SLC25A42: variants seen among roughly 807,000 people sequenced by gnomAD.
The protein encoded by SLC25A42 is mitochondrial coenzyme A transporter SLC25A42.
In SLC25A42, 19 loss-of-function variants were observed where a neutral mutation model predicts 34.7. The observed-to-expected ratio is 0.55, with a 90% CI of 0.38 to 0.80. SLC25A42 has a LOEUF of 0.80. SLC25A42 is among the 30% of genes least tolerant of loss of function. SLC25A42 has a pLI of 0.00. For missense variants in SLC25A42, 364 were observed against 441.3 expected (o/e 0.82, Z 1.57); for synonymous variants, 205 against 191.2 (o/e 1.07, Z -0.59).
chr19:19,074,659 A>G (rs1386883498), intron 1 of SLC25A42, among the ~76,000 whole-genome samples: 1 of 152,090 alleles, frequency 6.6e-6, no homozygotes, highest in Non-Finnish European at 1.5e-5. Context: ...AATCAGGCAC[A>G]TGTGCATATG....
At position 19,098,624 on chromosome 19, in the gene SLC25A42, C is replaced by T. The variant is rs151114267; in HGVS notation, c.81+2419C>T. 9.1e-4 allele frequency among the ~76,000 whole-genome samples: 138 copies of T among 150,994 alleles called. 1 individual carries two copies. The East Asian group carries it at 0.022, about 24-fold the overall frequency. ...AAACAACACAGAGTTGGCTTTGTAACGTTAAGAGCCTTGGCTGGGCCCGCT... is the reference window on the plus strand; with the variant it reads ...AAACAACACAGAGTTGGCTTTGTAATGTTAAGAGCCTTGGCTGGGCCCGCT... On this transcript the variant is annotated intron_variant, in intron 2 of 7. Transcript: ENST00000318596.
At chr19:19,079,203 A>T (rs545004865) in intron 1 of SLC25A42, among the ~76,000 whole-genome samples, 6 of 151,876 alleles carry the variant, frequency 4.0e-5, no homozygotes, top group Non-Finnish European at 7.4e-5. Flanking sequence ...TTACAGGTGC[A>T]TGCCATCATA....
intron 1 of SLC25A42, among the ~76,000 whole-genome samples, chr19:19,093,001 T>C (rs2059746196): frequency 6.6e-6 from 1 of 152,150 alleles, no homozygotes; most frequent in African/African-American, 2.4e-5. Context: ...ACCTGGTTTC[T>C]GTCTGTTTGC....
In SLC25A42 at chr19:19,101,815, C is replaced by G; in HGVS notation, c.116C>G (p.Ser39Cys). ...DHRQVLSSLLSGALAGALAKT... is the reference protein window; with the variant it reads ...DHRQVLSSLLCGALAGALAKT... ...AGGCAAGTGCTCAGCTCCCTGCTGT[C>G]TGGGGCCCTGGCTGGTGCCCTTGCC... The change falls in exon 3 of 8, where the codon TCT (serine) becomes TGT (cysteine). Residue 39 changes from serine to cysteine, a missense_variant. Coordinates refer to ENST00000318596, the MANE Select transcript of SLC25A42 (RefSeq NM_178526.5). 1.2e-6 allele frequency: 2 copies of G among 1,613,902 alleles called. No homozygotes were observed. Among genetic ancestry groups the G allele is most frequent in the South Asian group, 1.1e-5 (1 of 91,058 alleles).
Position 19,101,845 on chromosome 19 carries a change from C to G in SLC25A42, c.146C>G (p.Thr49Arg). 6.2e-7 allele frequency: 1 copy of G among 1,613,856 alleles called. No individual in the cohort carries two copies. Among genetic ancestry groups the G allele is most frequent in the Non-Finnish European group, 8.5e-7 (1 of 1,179,890 alleles). ...SGALAGALAK[T>R]AVAPLDRTKI... ...GCCCTGGCTGGTGCCCTTGCCAAAA[C>G]AGCGGTAGCTCCCCTGGACCGAACC... The change falls in exon 3 of 8, where the codon ACA (threonine) becomes AGA (arginine). Residue 49 changes from threonine (T) to arginine (R), a missense_variant. Transcript: ENST00000318596.
chr19:19,080,620 A>G (rs957266818), intron 1 of SLC25A42, among the ~76,000 whole-genome samples: 3 of 151,890 alleles, frequency 2.0e-5, no homozygotes, highest in African/African-American at 7.3e-5. Context: ...CATCTCTACA[A>G]AAAAATTAAG....
chr19:19,086,764 C>T (rs566358873), intron 1 of SLC25A42, among the ~76,000 whole-genome samples: 16 of 152,054 alleles, frequency 1.1e-4, no homozygotes, highest in African/African-American at 3.9e-4. Flanking sequence ...CCTCAGCCTC[C>T]TGAGTAGCTG....
chr19:19,068,909 C>G (rs899019144), intron 1 of SLC25A42, among the ~76,000 whole-genome samples: 2 of 150,980 alleles, frequency 1.3e-5, no homozygotes, highest in Non-Finnish European at 2.9e-5. Context: ...ACCCATAGTC[C>G]TAGCTACTCA....
intron 6 of SLC25A42, 81 bp from the exon 7 acceptor site, chr19:19,107,813 G>C: frequency 6.6e-7 from 1 of 1,513,130 alleles, no homozygotes. Flanking sequence ...GCCGGCTTCG[G>C]GAGGAGCCGA....
intron 1 of SLC25A42, among the ~76,000 whole-genome samples, chr19:19,079,021 T>A (rs966740912): frequency 3.3e-5 from 5 of 151,758 alleles, no homozygotes; most frequent in Admixed American, 6.6e-5. Flanking sequence ...ACTTTTATTT[T>A]TTTATTTATT....
At chr19:19,071,710 A>G (rs767696247) in intron 1 of SLC25A42, among the ~76,000 whole-genome samples, 27 of 152,104 alleles carry the variant, frequency 1.8e-4, no homozygotes, top group Non-Finnish European at 3.5e-4. Context: ...TGCTAAAAAT[A>G]TAAAAATTAG....
intron 1 of SLC25A42, among the ~76,000 whole-genome samples, chr19:19,072,458 GTC>G (rs1245041307): frequency 6.6e-6 from 1 of 150,502 alleles, no homozygotes; most frequent in Non-Finnish European, 1.5e-5. Context: ...GCTCACTGCA[GTC>G]TCTGCCTCCT....
At chr19:19,104,372 G>T (rs2059814629) in intron 3 of SLC25A42, among the ~76,000 whole-genome samples, 1 of 152,236 alleles carries the variant, frequency 6.6e-6, no homozygotes. Flanking sequence ...CACGTCAGAG[G>T]CTCCTGGTGA....
intron 2 of SLC25A42, among the ~76,000 whole-genome samples, chr19:19,100,672 T>C (rs1264081297): frequency 2.0e-5 from 3 of 152,120 alleles, no homozygotes; most frequent in Non-Finnish European, 4.4e-5. Context: ...ACCTTCCCAA[T>C]GGGTGGCTGT....
At chr19:19,091,438 A>C (rs1483300076) in intron 1 of SLC25A42, among the ~76,000 whole-genome samples, 1 of 152,226 alleles carries the variant, frequency 6.6e-6, no homozygotes, top group Non-Finnish European at 1.5e-5. Context: ...AGCCTGGGCA[A>C]CAAGCATGAA....
rs765645817 is a variant in SLC25A42 at position 19,101,809 on chromosome 19, T to C, written c.110T>C (p.Leu37Pro). Residue 37 changes from leucine (L) to proline (P), a missense_variant, in exon 3 of 8, where the codon CTG becomes CCG. Leu to Pro is a moderately conservative substitution (Grantham distance 98). Coordinates refer to ENST00000318596, the MANE Select transcript of SLC25A42 (RefSeq NM_178526.5). Reference sequence around the variant, plus strand: ...GACCACAGGCAAGTGCTCAGCTCCCTGCTGTCTGGGGCCCTGGCTGGTGCC... The same window carrying C: ...GACCACAGGCAAGTGCTCAGCTCCCCGCTGTCTGGGGCCCTGGCTGGTGCC... ...KRDHRQVLSSLLSGALAGALA... is the reference protein window; with the variant it reads ...KRDHRQVLSSPLSGALAGALA... 1 of 1,613,812 alleles carries C rather than the reference T, an allele frequency of 6.2e-7. No homozygotes were observed. Among genetic ancestry groups the C allele is most frequent in the Non-Finnish European group, 8.5e-7 (1 of 1,179,820 alleles).
intron 1 of SLC25A42, among the ~76,000 whole-genome samples, chr19:19,076,539 C>G (rs1227946734): frequency 6.6e-6 from 1 of 152,090 alleles, no homozygotes; most frequent in Non-Finnish European, 1.5e-5. Context: ...CTGAACACGT[C>G]CACTCCCAAA....
chr19:19,109,442 T>G lies in SLC25A42; in HGVS notation c.650-1127T>G, dbSNP rs2059850963. Among the ~76,000 whole-genome samples the G allele has an allele frequency of 6.6e-6, 1 of 152,280 alleles. No individual in the cohort carries two copies. Among genetic ancestry groups the G allele is most frequent in the Admixed American group, 6.5e-5 (1 of 15,290 alleles). On this transcript the variant is annotated intron_variant, in intron 7 of 7. Transcript: ENST00000318596. The surrounding 1 kb of genome is among the most constrained non-coding windows in gnomAD (Gnocchi z 4.1). The stretch of plus-strand genomic sequence containing the variant: ...GATCACAGTGTCTCCTGTCTGGCTG[T>G]TTTTTTGAGACGGAGTCTCACTCTG...
chr19:19,094,769 C>T lies in SLC25A42; in HGVS notation c.-34-1322C>T, dbSNP rs191938186. 1.1e-4 allele frequency among the ~76,000 whole-genome samples: 16 copies of T among 152,302 alleles called. No individual in the cohort carries two copies. In the East Asian group the frequency reaches 1.3e-3, roughly 13 times the overall value. The stretch of plus-strand genomic sequence containing the variant: ...TTAAAGCGTGGGAACTAACCAGGCA[C>T]GGTGGCCATGCCTGGAATCCCAGCA... On this transcript the variant is annotated intron_variant, in intron 1 of 7. Coordinates refer to ENST00000318596, the MANE Select transcript of SLC25A42 (RefSeq NM_178526.5).
Sources: allele counts gnomAD v4.1 joint callset (sites outside exome capture counted in the v4.1 genomes callset), GRCh38; gene constraint gnomAD v4.1.1; non-coding constraint Gnocchi (gnomAD v3.1); transcripts MANE v1.5; gene names NCBI Gene and HGNC (gene_info 2026-07-23, HGNC 2026-07-21).